Variants in EGFLAM observed in about 807,000 individuals in gnomAD.
The protein encoded by EGFLAM is EGF like, fibronectin type III and laminin G domains.
EGFLAM carries 79 observed loss-of-function variants against 113.1 expected under a neutral mutation model. The observed-to-expected ratio is 0.70, with a 90% CI of 0.58 to 0.84. The LOEUF is 0.84. Among genes scored for constraint, EGFLAM ranks in the 40% least tolerant of loss-of-function variants. The pLI is 0.00. For synonymous variants in EGFLAM, 504 were observed against 487.6 expected, an observed-to-expected ratio of 1.03 and a Z score of -0.44; for missense variants, 1,265 against 1,291.6, an observed-to-expected ratio of 0.98 and a Z score of 0.32.
At chr5:38,351,388 T>C (rs1739619895) in intron 4 of EGFLAM, among the ~76,000 whole-genome samples, 1 of 152,048 alleles carries the variant, frequency 6.6e-6, no homozygotes, top group Non-Finnish European at 1.5e-5. Context: ...ATTACAGGCG[T>C]AAGCCACCGC....
chr5:38,264,488 C>A (rs1251531459), intron 1 of EGFLAM, among the ~76,000 whole-genome samples: 1 of 152,186 alleles, frequency 6.6e-6, no homozygotes, highest in Admixed American at 6.5e-5. Flanking sequence ...GGTAGAGATA[C>A]ATGCACCTCT....
chr5:38,264,265 A>T (rs1042842611), intron 1 of EGFLAM, among the ~76,000 whole-genome samples: 2 of 152,162 alleles, frequency 1.3e-5, no homozygotes, highest in African/African-American at 4.8e-5. Flanking sequence ...AGGTCAAGTC[A>T]GCGTTCAGAG....
At chr5:38,359,608 G>T (rs1358478973) in intron 5 of EGFLAM, among the ~76,000 whole-genome samples, 1 of 152,212 alleles carries the variant, frequency 6.6e-6, no homozygotes. Flanking sequence ...CCAGGAGGTG[G>T]AGTTTGCAGT....
At position 38,258,746 on chromosome 5, in the gene EGFLAM, G is replaced by C. The variant is rs1260261359; in HGVS notation, c.-9G>C. On this transcript the variant is annotated 5_prime_UTR_variant, in exon 1 of 22. Coordinates refer to ENST00000322350, the MANE Select transcript of EGFLAM (RefSeq NM_152403.4). ...GACTTGGTGAAACTTTGCAGGCGCC[G>C]GCTGCGAAATGGATTTAATCCGAGG... 7.5e-6 allele frequency: 12 copies of C among 1,606,076 alleles called. No homozygotes were observed. Among genetic ancestry groups the C allele is most frequent in the Non-Finnish European group, 1.0e-5 (12 of 1,176,474 alleles).
At chr5:38,383,001 A>G (rs1172315434) in intron 6 of EGFLAM, among the ~76,000 whole-genome samples, 1 of 152,212 alleles carries the variant, frequency 6.6e-6, no homozygotes, top group Non-Finnish European at 1.5e-5. Flanking sequence ...AAGTATCAAC[A>G]GTCATCCAGC....
At chr5:38,446,014 A>G (rs867192865) in intron 17 of EGFLAM, among the ~76,000 whole-genome samples, 1 of 152,140 alleles carries the variant, frequency 6.6e-6, no homozygotes, top group Non-Finnish European at 1.5e-5. Context: ...CCACGGGCCA[A>G]CAACAGCAGG....
chr5:38,370,402 G>T lies in EGFLAM; in HGVS notation c.652G>T (p.Ala218Ser). The change falls in exon 6 of 22, where the codon GCA becomes TCA. Residue 218 changes from alanine (A) to serine (S), a missense_variant. Physicochemically the swap from Ala to Ser is moderately conservative, Grantham distance 99. Transcript: ENST00000322350. ...PDTNYQFAVR[A>S]MNSHGPSPRS... Reference sequence around the variant, plus strand: ...TACCAACTACCAGTTTGCCGTGAGGGCAATGAATTCCCATGGCCCCAGCCC... The same window carrying T: ...TACCAACTACCAGTTTGCCGTGAGGTCAATGAATTCCCATGGCCCCAGCCC... The T allele has an allele frequency of 6.2e-7, 1 of 1,614,176 alleles. No individual in the cohort carries two copies.
intron 6 of EGFLAM, among the ~76,000 whole-genome samples, chr5:38,402,955 G>A (rs1365560089): frequency 6.6e-6 from 1 of 152,194 alleles, no homozygotes; most frequent in Non-Finnish European, 1.5e-5. Flanking sequence ...TGTTAATAAG[G>A]TGCACAGGGC....
At chr5:38,345,663 C>T (rs1205187899) in intron 3 of EGFLAM, 1 of 152,200 alleles carries the variant, frequency 6.6e-6, no homozygotes. Flanking sequence ...TCCCACGACT[C>T]TGTTTCTCAC....
At chr5:38,345,633 C>T (rs186357750) in intron 3 of EGFLAM, 56 of 152,294 alleles carry the variant, frequency 3.7e-4, no homozygotes, top group African/African-American at 1.3e-3. Context: ...TCACTCTGGC[C>T]TCTACTCCAA....
chr5:38,446,345 G>T (rs1421892062), intron 17 of EGFLAM, among the ~76,000 whole-genome samples: 1 of 151,502 alleles, frequency 6.6e-6, no homozygotes, highest in Admixed American at 6.6e-5. Context: ...GTCCTTCCTT[G>T]CCCGGTGGCT....
chr5:38,310,325 T>C (rs1046134798), intron 1 of EGFLAM, among the ~76,000 whole-genome samples: 1 of 152,188 alleles, frequency 6.6e-6, no homozygotes, highest in African/African-American at 2.4e-5. Context: ...CTCTCTCACT[T>C]ACTATCTGTA....
At chr5:38,434,428 C>T (rs1044596440) in intron 15 of EGFLAM, among the ~76,000 whole-genome samples, 5 of 152,208 alleles carry the variant, frequency 3.3e-5, no homozygotes, top group African/African-American at 1.2e-4. Context: ...GCTGTTTGTC[C>T]AGCACTTAAC....
At chr5:38,281,373 A>T (rs934505683) in intron 1 of EGFLAM, among the ~76,000 whole-genome samples, 8 of 49,958 alleles carry the variant, frequency 1.6e-4, no homozygotes, top group African/African-American at 2.8e-4. Context: ...TAATTTTATA[A>T]AAAAAAATCA....
chr5:38,427,157 C>T lies in EGFLAM; in HGVS notation c.1959C>T (p.Ser653=), dbSNP rs767070071. The change falls in exon 14 of 22, where the codon AGC becomes AGT. Residue 653 remains serine, a synonymous_variant. Coordinates refer to ENST00000322350, the MANE Select transcript of EGFLAM (RefSeq NM_152403.4). The part of the protein sequence containing the change: ...PDSGDGVLLY[S]YDTGSKDFLS... ...CAGGAGATGGTGTCCTCCTGTACAGCTATGACACAGGCAGCAAAGACTTCC... is the reference window on the plus strand; with the variant it reads ...CAGGAGATGGTGTCCTCCTGTACAGTTATGACACAGGCAGCAAAGACTTCC... 1.2e-6 allele frequency: 2 copies of T among 1,614,186 alleles called. No homozygotes were observed. Among genetic ancestry groups the T allele is most frequent in the Non-Finnish European group, 1.7e-6 (2 of 1,180,038 alleles).
At chr5:38,277,720 A>G (rs1350385220) in intron 1 of EGFLAM, among the ~76,000 whole-genome samples, 1 of 152,222 alleles carries the variant, frequency 6.6e-6, no homozygotes, top group East Asian at 1.9e-4. Context: ...GCAGGATACA[A>G]AATTAACATG....
intron 1 of EGFLAM, among the ~76,000 whole-genome samples, chr5:38,294,647 AT>A (rs565933334): frequency 8.5e-4 from 129 of 152,062 alleles, no homozygotes; most frequent in African/African-American, 3.0e-3. Flanking sequence ...ATACATCATC[AT>A]TTTCATTGTT....
chr5:38,405,766 T>G (rs1388248634), intron 6 of EGFLAM, among the ~76,000 whole-genome samples: 1 of 152,236 alleles, frequency 6.6e-6, no homozygotes, highest in Non-Finnish European at 1.5e-5. Flanking sequence ...ATCTACTTTA[T>G]GAAATATTTC....
In EGFLAM at chr5:38,258,649, C is replaced by T. The variant is rs1043390538; in HGVS notation, c.-106C>T. 2 of 1,336,356 alleles carry T rather than the reference C, an allele frequency of 1.5e-6. No homozygotes were observed. The highest frequency in any genetic ancestry group is 1.5e-5 in the African/African-American group (1 of 68,626). 82.8% of individuals were successfully genotyped at this position (1,336,356 alleles called of 1,614,324 possible). ...GCCCTCGCAGCCCCCCACCTCCTCG[C>T]CCCGGCCCGGGGATCCGTTGGGGCC... On this transcript the variant is annotated 5_prime_UTR_variant, in exon 1 of 22. Coordinates refer to ENST00000322350, the MANE Select transcript of EGFLAM (RefSeq NM_152403.4).
Sources: gnomAD v4.1 joint callset for allele counts (sites outside exome capture counted in the v4.1 genomes callset) on GRCh38, gnomAD v4.1.1 for gene constraint, MANE v1.5 for transcripts, NCBI Gene and HGNC (gene_info 2026-07-23, HGNC 2026-07-21) for gene names.